ELAPOR1: variants seen among roughly 807,000 people sequenced by gnomAD.
ELAPOR1 encodes endosome/lysosome-associated apoptosis and autophagy regulator 1.
ELAPOR1 carries 77 observed loss-of-function variants against 119.7 expected under a neutral mutation model. The observed-to-expected ratio is 0.64, with a 90% CI of 0.54 to 0.78. The LOEUF (loss-of-function observed/expected upper bound fraction) is 0.78, where lower values mean the gene tolerates loss of function less well. Ranked by LOEUF, ELAPOR1 falls within the 30% of genes least tolerant of loss-of-function variation. The pLI is 0.00. For missense variants in ELAPOR1, 1,115 were observed against 1,270.4 expected, an observed-to-expected ratio of 0.88 and a Z score of 1.86; for synonymous variants, 481 against 487.2, an observed-to-expected ratio of 0.99 and a Z score of 0.17.
In ELAPOR1 at chr1:109,198,610, T is replaced by A; in HGVS notation, c.2437T>A (p.Ser813Thr). ...GACCCAGTCCTGCAGTTCTGGGAGA[T>A]CAACCACCATCCGCGTCAGGTGCAG... ...DVTQSCSSGR[S>T]TTIRVRCSPQ... Residue 813 changes from serine to threonine, a missense_variant, in exon 18 of 22, where the codon TCA (serine) becomes ACA (threonine). Transcript: ENST00000369939. 1 of 1,613,940 alleles carries A rather than the reference T, an allele frequency of 6.2e-7. No homozygotes were observed. Among genetic ancestry groups the A allele is most frequent in the South Asian group, 1.1e-5 (1 of 90,968 alleles).
At chr1:109,135,796 T>C (rs141594728) in intron 1 of ELAPOR1, among the ~76,000 whole-genome samples, 166 of 152,278 alleles carry the variant, frequency 1.1e-3, no homozygotes, top group Middle Eastern at 6.8e-3. Context: ...ATCTACTCCA[T>C]AGAGTTCATT....
At chr1:109,171,780 ACCC>A in intron 3 of ELAPOR1, 83 bp from the exon 4 acceptor site, 4 of 1,380,174 alleles carry the variant, frequency 2.9e-6, no homozygotes, top group Non-Finnish European at 4.0e-6. Context: ...ATTCCCAAAG[ACCC>A]AGCAGAACAT....
intron 21 of ELAPOR1, chr1:109,201,284 C>T (rs769615855): frequency 3.3e-5 from 15 of 456,742 alleles, no homozygotes; most frequent in South Asian, 2.3e-4. Context: ...AGAAGTCAGG[C>T]TCTCCTTTGA....
chr1:109,152,334 G>C (rs992559411), intron 1 of ELAPOR1, among the ~76,000 whole-genome samples: 1 of 152,148 alleles, frequency 6.6e-6, no homozygotes, highest in Non-Finnish European at 1.5e-5. Context: ...ACAAAACCCA[G>C]GTTTACTTAA....
At position 109,203,049 on chromosome 1, in the gene ELAPOR1, A is replaced by G; in HGVS notation, c.*37A>G. The G allele has an allele frequency of 6.8e-7, 1 of 1,467,628 alleles. No individual in the cohort carries two copies. Among genetic ancestry groups the G allele is most frequent in the Non-Finnish European group, 9.5e-7 (1 of 1,052,868 alleles). The allele number at this position is 1,467,628 out of a possible 1,614,324, so 90.9% of individuals were successfully genotyped here. A position where few individuals can be genotyped will look rare whatever the true frequency, so the allele number is the denominator to read the frequency against. On this transcript the variant is annotated 3_prime_UTR_variant, in exon 22 of 22. Transcript: ENST00000369939. ...TGCCTCACCTGCCTCCTCACCTTGCATAGCACCTTTGCAAGCCTGCGGCGA... is the reference window on the plus strand; with the variant it reads ...TGCCTCACCTGCCTCCTCACCTTGCGTAGCACCTTTGCAAGCCTGCGGCGA...
rs1029482685 is a variant in ELAPOR1 at position 109,189,687 on chromosome 1, G to A, written c.1439+5G>A. 1 of 1,612,720 alleles carries A rather than the reference G, an allele frequency of 6.2e-7. No individual in the cohort carries two copies. The highest frequency in any genetic ancestry group is 1.3e-5 in the African/African-American group (1 of 75,032). On this transcript the variant is annotated splice_donor_5th_base_variant and intron_variant, in intron 11 of 21. Transcript: ENST00000369939. Reference sequence around the variant, plus strand: ...TCTGGTTGTGCCAGGATTTAGGTGAGGAATCCAAAGCCCAGGGGAGTCCAG... The same window carrying A: ...TCTGGTTGTGCCAGGATTTAGGTGAAGAATCCAAAGCCCAGGGGAGTCCAG...
intron 3 of ELAPOR1, among the ~76,000 whole-genome samples, chr1:109,169,970 C>T (rs760588355): frequency 6.6e-6 from 1 of 152,036 alleles, no homozygotes; most frequent in Non-Finnish European, 1.5e-5. Flanking sequence ...ATGGCAGAGC[C>T]GTACAAAGGA....
At chr1:109,164,718 C>A (rs751803190) in intron 3 of ELAPOR1, 27 bp downstream of exon 3, 2 of 1,586,020 alleles carry the variant, frequency 1.3e-6, no homozygotes, top group South Asian at 1.1e-5. Flanking sequence ...CCCCACCCCA[C>A]CCCCAGCCCA....
chr1:109,136,350 C>G (rs976059596), intron 1 of ELAPOR1, among the ~76,000 whole-genome samples: 8 of 152,172 alleles, frequency 5.3e-5, no homozygotes, highest in Non-Finnish European at 8.8e-5. Context: ...TATGCTGCCA[C>G]AAGCCAAGGA....
chr1:109,123,683 C>G (rs994728185), intron 1 of ELAPOR1, among the ~76,000 whole-genome samples: 2 of 152,152 alleles, frequency 1.3e-5, no homozygotes, highest in Non-Finnish European at 1.5e-5. Flanking sequence ...CAAAAAGGAC[C>G]AAGAAACTTA....
chr1:109,117,111 C>T (rs752406657), intron 1 of ELAPOR1, among the ~76,000 whole-genome samples: 5 of 152,254 alleles, frequency 3.3e-5, no homozygotes, highest in Middle Eastern at 3.4e-3. Context: ...CAGCCTTGTT[C>T]GTGAAAGCTG....
intron 1 of ELAPOR1, among the ~76,000 whole-genome samples, chr1:109,147,922 T>C (rs1049045547): frequency 3.3e-5 from 5 of 151,398 alleles, no homozygotes; most frequent in African/African-American, 1.2e-4. Context: ...CTCTGCCTCC[T>C]GGGTTCACGC....
intron 1 of ELAPOR1, among the ~76,000 whole-genome samples, chr1:109,143,013 G>A (rs561916999): frequency 1.3e-4 from 19 of 151,676 alleles, no homozygotes; most frequent in African/African-American, 2.9e-4. Flanking sequence ...GCAGTAGTGC[G>A]ATCTCAGCTC....
chr1:109,172,251 A>T (rs1651969109), intron 4 of ELAPOR1, among the ~76,000 whole-genome samples: 1 of 152,212 alleles, frequency 6.6e-6, no homozygotes, highest in African/African-American at 2.4e-5. Flanking sequence ...TCCAGCTCAG[A>T]CATGAAAACA....
At chr1:109,168,989 C>A (rs1253952058) in intron 3 of ELAPOR1, among the ~76,000 whole-genome samples, 3 of 152,128 alleles carry the variant, frequency 2.0e-5, no homozygotes, top group Admixed American at 2.0e-4. Context: ...CTTATGGCAT[C>A]TTTTAAATTA....
chr1:109,144,049 A>ATTTTTTTT (rs1650001010), intron 1 of ELAPOR1, among the ~76,000 whole-genome samples: 1 of 44,838 alleles, frequency 2.2e-5, no homozygotes, highest in African/African-American at 7.1e-5. Context: ...ATATATATAT[A>ATTTTTTTT]TATATTTATA....
At position 109,192,687 on chromosome 1, in the gene ELAPOR1, A is replaced by T; in HGVS notation, c.1760A>T (p.Tyr587Phe). 1 of 1,614,058 alleles carries T rather than the reference A, an allele frequency of 6.2e-7. No homozygotes were observed. The highest frequency in any genetic ancestry group is 8.5e-7 in the Non-Finnish European group (1 of 1,179,990). ...AATGTTATGAATGGTGTGGCCTCCT[A>T]CTGCCGTCCCTGTGCCCTAGAAGCC... The part of the protein sequence containing the change: ...VTNVMNGVAS[Y>F]CRPCALEASD... The change falls in exon 14 of 22, where the codon TAC (tyrosine) becomes TTC (phenylalanine). Residue 587 changes from tyrosine to phenylalanine, a missense_variant. Tyr to Phe is a conservative substitution (Grantham distance 22). Transcript: ENST00000369939.
At chr1:109,146,791 G>C (rs1042985365) in intron 1 of ELAPOR1, among the ~76,000 whole-genome samples, 2 of 152,182 alleles carry the variant, frequency 1.3e-5, no homozygotes, top group Non-Finnish European at 2.9e-5. Flanking sequence ...CCAGGCTGGA[G>C]TGCAGTGGTG....
Position 109,194,416 on chromosome 1 carries a change from C to T in ELAPOR1, c.1948-5C>T, listed in dbSNP as rs934748690. ...GCTGGCCCGACCCGTCCCTCTCCCC[C>T]TCAGATCCACTCTCTGTGCTACAAC... On this transcript the variant is annotated splice_region_variant and splice_polypyrimidine_tract_variant and intron_variant, in intron 14 of 21. Transcript: ENST00000369939. 7 of 1,613,162 alleles carry T rather than the reference C, an allele frequency of 4.3e-6. No homozygotes were observed. The Admixed American group carries it at 6.7e-5, about 15-fold the overall frequency.
Sources: gnomAD v4.1 joint callset for allele counts (sites outside exome capture counted in the v4.1 genomes callset) on GRCh38, gnomAD v4.1.1 for gene constraint, MANE v1.5 for transcripts, NCBI Gene and HGNC (gene_info 2026-07-23, HGNC 2026-07-21) for gene names.